VPS13A: variants seen among roughly 807,000 people sequenced by gnomAD.
VPS13A encodes vacuolar protein sorting 13 homolog A, also known as intermembrane lipid transfer protein VPS13A.
In VPS13A, 264 loss-of-function variants were observed where a neutral mutation model predicts 390.9. The observed-to-expected ratio is 0.68, with a 90% CI of 0.61 to 0.75. VPS13A has a LOEUF of 0.75. Ranked by LOEUF, VPS13A falls within the 30% of genes least tolerant of loss-of-function variation. The probability of loss-of-function intolerance (pLI) is 0.00; values close to 1 mark genes in which losing one functional copy is unlikely to be tolerated. For synonymous variants in VPS13A, 1,231 were observed against 1,227.1 expected (o/e 1.00, Z -0.07); for missense variants, 3,409 against 3,733.9 (o/e 0.91, Z 2.27).
chr9:77,359,909 A>T (rs11145401), intron 58 of VPS13A, among the ~76,000 whole-genome samples: 30,232 of 151,584 alleles, frequency 0.2, 3,790 homozygotes, highest in East Asian at 0.39. Context: ...ATTCTCTTGT[A>T]CTTGTATTTG....
At chr9:77,183,077 A>G (rs1589962232) in intron 1 of VPS13A, among the ~76,000 whole-genome samples, 1 of 152,282 alleles carries the variant, frequency 6.6e-6, no homozygotes, top group East Asian at 1.9e-4. Flanking sequence ...TTTTATATTT[A>G]TGTTCTAAGA....
At chr9:77,340,361 G>A (rs776517853) in intron 49 of VPS13A, 43 bp from the exon 50 acceptor site, 7 of 1,606,724 alleles carry the variant, frequency 4.4e-6, no homozygotes, top group South Asian at 2.2e-5. Context: ...TTATAAAGAT[G>A]TTATACATAA....
chr9:77,226,316 G>T, intron 14 of VPS13A, 150 bp from the exon 15 acceptor site: 1 of 703,492 alleles, frequency 1.4e-6, no homozygotes, highest in Non-Finnish European at 2.4e-6. Context: ...TTCGACTAAT[G>T]TTGCAGTTTC....
chr9:77,293,244 T>C, intron 31 of VPS13A, 97 bp from the exon 32 acceptor site: 3 of 1,143,928 alleles, frequency 2.6e-6, no homozygotes, highest in Non-Finnish European at 3.8e-6. Context: ...TGGGAGATTT[T>C]CTAACTATGT....
rs1587745977 is a variant in VPS13A, at chr9:77,418,262, T to C, written c.*2256T>C. The C allele has an allele frequency of 6.6e-6, 1 of 152,106 alleles. No homozygotes were observed. Among genetic ancestry groups the C allele is most frequent in the Non-Finnish European group, 1.5e-5 (1 of 68,022 alleles). The allele number at this position is 152,106 out of a possible 1,614,324, so 9.4% of individuals were successfully genotyped here. ...TTGGTAGTGGCTATGGAATGAGAGG[T>C]GTTGAGTCTTGTGCCCCTTCCATGT... On this transcript the variant is annotated 3_prime_UTR_variant, in exon 72 of 72. Transcript: ENST00000360280.
intron 71 of VPS13A, among the ~76,000 whole-genome samples, chr9:77,408,124 G>A (rs1336557458): frequency 1.3e-5 from 2 of 152,214 alleles, no homozygotes; most frequent in Non-Finnish European, 2.9e-5. Context: ...GTTTCCTCAA[G>A]ATGAGAATGG....
At chr9:77,216,274 C>T (rs1682888326) in intron 10 of VPS13A, among the ~76,000 whole-genome samples, 1 of 152,148 alleles carries the variant, frequency 6.6e-6, no homozygotes, top group Admixed American at 6.5e-5. Flanking sequence ...AAGTTTGGAG[C>T]TCAGAAGTAA....
At chr9:77,394,231 A>ATTTTT (rs36047906) in intron 68 of VPS13A, among the ~76,000 whole-genome samples, 1 of 140,540 alleles carries the variant, frequency 7.1e-6, no homozygotes, top group Non-Finnish European at 1.5e-5. Flanking sequence ...CATCTGGCTA[A>ATTTTT]TTTTTTTTTT....
At chr9:77,409,140 A>G (rs775790538) in intron 71 of VPS13A, among the ~76,000 whole-genome samples, 1 of 152,212 alleles carries the variant, frequency 6.6e-6, no homozygotes, top group African/African-American at 2.4e-5. Context: ...CTGTTCACCA[A>G]TATCTGCTGT....
Position 77,365,487 on chromosome 9 carries a change from G to T in VPS13A, c.8239G>T (p.Ala2747Ser), listed in dbSNP as rs1832381988. The change falls in exon 60 of 72, where the codon GCT (alanine) becomes TCT (serine). Residue 2747 changes from alanine to serine, a missense_variant. By Grantham distance (99) the Ala-to-Ser change is moderately conservative (BLOSUM62 1). Transcript: ENST00000360280. Reference protein sequence around the residue: ...EVELFHKDIEAFKEEYKTASL... With the variant: ...EVELFHKDIESFKEEYKTASL... ...TGAGCTTTTTCATAAAGATATAGAA[G>T]CTTTCAAAGAAGAATATAAAACAGC... 6.2e-7 allele frequency: 1 copy of T among 1,611,096 alleles called. No individual in the cohort carries two copies. The highest frequency in any genetic ancestry group is 1.7e-5 in the Admixed American group (1 of 59,946).
chr9:77,399,076 A>G (rs1363841108), intron 68 of VPS13A, among the ~76,000 whole-genome samples: 1 of 142,084 alleles, frequency 7.0e-6, no homozygotes, highest in Non-Finnish European at 1.5e-5. Flanking sequence ...TAGATGACAC[A>G]TTAGTGGGTG....
At chr9:77,413,843 A>G (rs995718850) in intron 71 of VPS13A, among the ~76,000 whole-genome samples, 1 of 152,224 alleles carries the variant, frequency 6.6e-6, no homozygotes, top group African/African-American at 2.4e-5. Context: ...CAATCTACTC[A>G]TCTGACAAAG....
intron 1 of VPS13A, among the ~76,000 whole-genome samples, chr9:77,192,222 G>A (rs927122612): frequency 2.6e-5 from 4 of 152,034 alleles, no homozygotes; most frequent in Non-Finnish European, 5.9e-5. Context: ...TTTACTTTGA[G>A]CCTATGGGTG....
At chr9:77,275,404 C>A in intron 24 of VPS13A, 94 bp from the exon 25 acceptor site, 1 of 1,171,710 alleles carries the variant, frequency 8.5e-7, no homozygotes, top group Non-Finnish European at 1.3e-6. Context: ...TAAAAGAGAG[C>A]CTTAGTGTTT....
At chr9:77,251,410 A>G (rs1434404770) in intron 21 of VPS13A, among the ~76,000 whole-genome samples, 3 of 152,196 alleles carry the variant, frequency 2.0e-5, no homozygotes. Context: ...ATTTCAGAAA[A>G]TCTGAACAAC....
intron 68 of VPS13A, among the ~76,000 whole-genome samples, chr9:77,390,297 T>G (rs1833850282): frequency 6.6e-6 from 1 of 152,172 alleles, no homozygotes; most frequent in African/African-American, 2.4e-5. Flanking sequence ...GCATCTCAAA[T>G]AAAGCAGATT....
At chr9:77,317,782 A>C (rs1829490453) in intron 40 of VPS13A, 84 bp downstream of exon 40, 1 of 1,037,276 alleles carries the variant, frequency 9.6e-7, no homozygotes. Context: ...CAAGTCTTTT[A>C]ATTGTTATGC....
At chr9:77,304,521 A>G (rs1374954222) in intron 34 of VPS13A, among the ~76,000 whole-genome samples, 2 of 152,224 alleles carry the variant, frequency 1.3e-5, no homozygotes, top group Non-Finnish European at 1.5e-5. Flanking sequence ...TTTATTGGAA[A>G]GATCTAGGTT....
rs1823703287 is a variant in VPS13A at position 77,177,542 on chromosome 9, C to G, written c.-163C>G. ...GCGTCGTGAGAGCGACCGCCTCCGT[C>G]TCTCGCTGGGCTCGCTAGGGCTGCG... is the stretch of plus-strand genomic sequence containing the variant. On this transcript the variant is annotated 5_prime_UTR_variant, in exon 1 of 72. Transcript: ENST00000360280. 1 of 662,086 alleles carries G rather than the reference C, an allele frequency of 1.5e-6. No individual in the cohort carries two copies. Among genetic ancestry groups the G allele is most frequent in the Non-Finnish European group, 2.7e-6 (1 of 374,348 alleles). The allele number at this position is 662,086 out of a possible 1,614,324, so 41.0% of individuals were successfully genotyped here. A position where few individuals can be genotyped will look rare whatever the true frequency, so the allele number is the denominator to read the frequency against.
Sources: allele counts gnomAD v4.1 joint callset (sites outside exome capture counted in the v4.1 genomes callset), GRCh38; gene constraint gnomAD v4.1.1; transcripts MANE v1.5; gene names NCBI Gene and HGNC (gene_info 2026-07-23, HGNC 2026-07-21).